The following ZBTB16 variants were observed in gnomAD, a reference collection of about 807,000 sequenced individuals.
ZBTB16 encodes zinc finger and BTB domain-containing protein 16.
Under a neutral mutation model 56.8 loss-of-function variants are expected in ZBTB16, and 8 were observed. That is an observed-to-expected ratio of 0.14 (90% confidence interval 0.08 to 0.25). The LOEUF (loss-of-function observed/expected upper bound fraction) is 0.25. Among genes scored for constraint, ZBTB16 ranks in the 10% least tolerant of loss-of-function variants. The pLI is 1.00. For missense variants in ZBTB16, 625 were observed against 903.0 expected, an observed-to-expected ratio of 0.69 and a Z score of 3.95; for synonymous variants, 363 against 368.5, an observed-to-expected ratio of 0.98 and a Z score of 0.17.
In ZBTB16 at chr11:114,254,349, C is replaced by A. The variant is rs186040470; in HGVS notation, c.*3794C>A. 6.6e-6 allele frequency among the ~76,000 whole-genome samples: 1 copy of A among 151,816 alleles called. No homozygotes were observed. Among genetic ancestry groups the A allele is most frequent in the Non-Finnish European group, 1.5e-5 (1 of 67,984 alleles). ...ATTCAGTACAATCCAAGGGATGCAA[C>A]GCGGGCTTGTTTAATCTTTGTGCCT... On this transcript the variant is annotated 3_prime_UTR_variant, in exon 7 of 7. Transcript: ENST00000335953.
intron 2 of ZBTB16, among the ~76,000 whole-genome samples, chr11:114,123,429 G>C (rs1443857613): frequency 1.3e-5 from 2 of 152,066 alleles, no homozygotes; most frequent in Non-Finnish European, 2.9e-5. Flanking sequence ...ATTGCACTTG[G>C]GGTGAATAGT....
At chr11:114,123,246 G>A (rs529120838) in intron 2 of ZBTB16, among the ~76,000 whole-genome samples, 1 of 152,242 alleles carries the variant, frequency 6.6e-6, no homozygotes, top group East Asian at 1.9e-4. Context: ...TCAGTCCATA[G>A]TAGTCATGTA....
rs76923246 is a variant in ZBTB16 at position 114,210,056 on chromosome 11, C to T, written c.1453+23018C>T. 4.4e-4 allele frequency: 292 copies of T among 669,958 alleles called. 10 individuals are homozygous for T. The East Asian group carries it at 0.034, about 79-fold the overall frequency. The allele number at this position is 669,958 out of a possible 1,614,324, so 41.5% of individuals were successfully genotyped here. ...GAAGAGGGTCAAAAAGCCACTTGCC[C>T]GGTGAGCCTGCTGAGAAGAGCAGAT... On this transcript the variant is annotated intron_variant, in intron 4 of 6. Coordinates refer to ENST00000335953, the MANE Select transcript of ZBTB16 (RefSeq NM_006006.6).
At chr11:114,212,492 T>A (rs976841111) in intron 4 of ZBTB16, among the ~76,000 whole-genome samples, 1 of 152,096 alleles carries the variant, frequency 6.6e-6, no homozygotes, top group Admixed American at 6.6e-5. Flanking sequence ...GAAAGGGACT[T>A]GGGGATTCTC....
intron 4 of ZBTB16, among the ~76,000 whole-genome samples, chr11:114,190,713 A>C (rs1052837246): frequency 1.4e-5 from 2 of 147,632 alleles, no homozygotes. Flanking sequence ...GGCATCACTC[A>C]TGCCACCTCT....
chr11:114,104,164 G>C (rs1175378847), intron 2 of ZBTB16, among the ~76,000 whole-genome samples: 1 of 152,146 alleles, frequency 6.6e-6, no homozygotes, highest in Non-Finnish European at 1.5e-5. Flanking sequence ...TAGATTTTCT[G>C]TTTTATCCCA....
intron 2 of ZBTB16, among the ~76,000 whole-genome samples, chr11:114,152,589 G>C (rs1942304295): frequency 6.6e-6 from 1 of 152,240 alleles, no homozygotes; most frequent in South Asian, 2.1e-4. Context: ...GAGAACTTGA[G>C]TCTGTTCCCC....
chr11:114,244,394 G>C (rs933524384), intron 5 of ZBTB16, among the ~76,000 whole-genome samples: 3 of 151,976 alleles, frequency 2.0e-5, no homozygotes, highest in Non-Finnish European at 4.4e-5. Flanking sequence ...GGTGCACTGG[G>C]CAGGCTGGAG....
chr11:114,103,800 A>G (rs1256818388), intron 2 of ZBTB16, among the ~76,000 whole-genome samples: 1 of 152,136 alleles, frequency 6.6e-6, no homozygotes, highest in East Asian at 1.9e-4. Flanking sequence ...GGAGCAAACA[A>G]TGTTGGGCCT....
At chr11:114,102,111 G>T (rs1055914843) in intron 2 of ZBTB16, among the ~76,000 whole-genome samples, 13 of 152,176 alleles carry the variant, frequency 8.5e-5, no homozygotes, top group Admixed American at 8.5e-4. Context: ...TGGTGGTTGG[G>T]ACGTCCTCAT....
chr11:114,246,219 A>G (rs1326170545), intron 5 of ZBTB16, among the ~76,000 whole-genome samples: 4 of 152,162 alleles, frequency 2.6e-5, no homozygotes, highest in Non-Finnish European at 5.9e-5. Context: ...CTTGCTTCTT[A>G]TCCTGGTGGT....
chr11:114,201,426 G>A (rs1421412311), intron 4 of ZBTB16, among the ~76,000 whole-genome samples: 5 of 152,154 alleles, frequency 3.3e-5, no homozygotes, highest in Non-Finnish European at 5.9e-5. Flanking sequence ...CTCAACCACC[G>A]ACCGCCGTGG....
Position 114,064,258 on chromosome 11 carries a change from C to T in ZBTB16, c.958C>T (p.Pro320Ser). ...AEAGQAPTGR[P>S]EHPAPPPEKH... ...GGCTGGCCAGGCCCCCACTGGCCGA[C>T]CTGAGCACCCAGCACCCCCGCCTGA... The change falls in exon 2 of 7, where the codon CCT (proline) becomes TCT (serine). Residue 320 changes from proline (P) to serine (S), a missense_variant. Pro to Ser is a moderately conservative substitution (Grantham distance 74). Coordinates refer to ENST00000335953, the MANE Select transcript of ZBTB16 (RefSeq NM_006006.6). This position sits in a 1 kb window ranked among gnomAD's most constrained non-coding sequence, Gnocchi z 4.2. 2 of 1,614,032 alleles carry T rather than the reference C, an allele frequency of 1.2e-6. No homozygotes were observed. Among genetic ancestry groups the T allele is most frequent in the African/African-American group, 1.3e-5 (1 of 75,054 alleles).
chr11:114,126,366 T>C (rs1941507773), intron 2 of ZBTB16, among the ~76,000 whole-genome samples: 1 of 152,204 alleles, frequency 6.6e-6, no homozygotes, highest in Admixed American at 6.5e-5. Flanking sequence ...CTGGCAGCTG[T>C]CCATTCCGGC....
chr11:114,173,664 G>C (rs1040288976), intron 3 of ZBTB16, among the ~76,000 whole-genome samples: 1 of 152,222 alleles, frequency 6.6e-6, no homozygotes, highest in Non-Finnish European at 1.5e-5. Flanking sequence ...GGCACAAGAA[G>C]AGGGACATGG....
intron 2 of ZBTB16, among the ~76,000 whole-genome samples, chr11:114,118,835 G>C (rs1441875340): frequency 6.6e-6 from 1 of 152,200 alleles, no homozygotes; most frequent in African/African-American, 2.4e-5. Context: ...GAGACAGAGT[G>C]TTCTGGCTTT....
At chr11:114,238,656 C>A (rs542380867) in intron 4 of ZBTB16, among the ~76,000 whole-genome samples, 3 of 152,092 alleles carry the variant, frequency 2.0e-5, no homozygotes, top group Non-Finnish European at 2.9e-5. Flanking sequence ...ATCATAGCAA[C>A]CCTCGGTCCT....
At chr11:114,124,076 G>A (rs1208098538) in intron 2 of ZBTB16, among the ~76,000 whole-genome samples, 1 of 110,944 alleles carries the variant, frequency 9.0e-6, no homozygotes, top group Non-Finnish European at 2.1e-5. Flanking sequence ...CTGCTTTGCG[G>A]AGATGGTCGG....
intron 4 of ZBTB16, among the ~76,000 whole-genome samples, chr11:114,226,517 C>G (rs1469417830): frequency 6.6e-6 from 1 of 152,158 alleles, no homozygotes; most frequent in Non-Finnish European, 1.5e-5. Flanking sequence ...GGGGAGGTAC[C>G]TAAGAAACAA....
Sources: gnomAD v4.1 joint callset for allele counts (sites outside exome capture counted in the v4.1 genomes callset) on GRCh38, gnomAD v4.1.1 for gene constraint, Gnocchi (gnomAD v3.1) non-coding constraint, MANE v1.5 for transcripts, NCBI Gene and HGNC (gene_info 2026-07-23, HGNC 2026-07-21) for gene names.